LEKR1: variants seen among roughly 807,000 people sequenced by gnomAD.
LEKR1 encodes protein LEKR1.
Under a neutral mutation model 72.4 loss-of-function variants are expected in LEKR1, and 59 were observed. That is an observed-to-expected ratio of 0.82 (90% CI 0.66 to 1.01). The LOEUF (loss-of-function observed/expected upper bound fraction) is 1.01. Ranked by LOEUF, LEKR1 falls within the 50% of genes least tolerant of loss-of-function variation. The probability of loss-of-function intolerance (pLI) is 0.00; values close to 1 mark genes in which losing one functional copy is unlikely to be tolerated. For synonymous variants in LEKR1, 257 were observed against 263.2 expected, an observed-to-expected ratio of 0.98 and a Z score of 0.23; for missense variants, 728 against 759.2, an observed-to-expected ratio of 0.96 and a Z score of 0.48.
intron 3 of LEKR1, among the ~76,000 whole-genome samples, chr3:156,868,392 C>A (rs1407380935): frequency 2.3e-4 from 35 of 151,886 alleles, no homozygotes. Flanking sequence ...ATGATTACTC[C>A]CGGGCTTTGT....
In LEKR1 at chr3:156,863,867, C is replaced by T. The variant is rs2108543310; in HGVS notation, c.263+10885C>T. 2.0e-5 allele frequency among the ~76,000 whole-genome samples: 3 copies of T among 152,124 alleles called. No individual in the cohort carries two copies. The South Asian group carries it at 6.2e-4, about 32-fold the overall frequency. On this transcript the variant is annotated intron_variant, in intron 3 of 12. Coordinates refer to ENST00000356539, the MANE Select transcript of LEKR1 (RefSeq NM_001004316.3). The stretch of plus-strand genomic sequence containing the variant: ...AGGCACACCAAATCTTGAGCCTTGT[C>T]TTCTTGGACTGAAGAAACCCAGTTG...
In LEKR1 at chr3:156,882,623, A is replaced by G. The variant is rs1576733387; in HGVS notation, c.263+29641A>G. Among the ~76,000 whole-genome samples the G allele has an allele frequency of 2.0e-5, 3 of 152,320 alleles. 1 individual carries two copies. In the East Asian group the frequency reaches 5.8e-4, roughly 29 times the overall value. On this transcript the variant is annotated intron_variant, in intron 3 of 12. Coordinates refer to ENST00000356539, the MANE Select transcript of LEKR1 (RefSeq NM_001004316.3). The stretch of plus-strand genomic sequence containing the variant: ...TCCTCAGGGATCTAGAACTAGAAAT[A>G]CCATTTGACCTAGCCATCCCATTAC...
intron 3 of LEKR1, among the ~76,000 whole-genome samples, chr3:156,855,252 AACTT>A (rs1286439165): frequency 6.6e-6 from 1 of 152,206 alleles, no homozygotes; most frequent in Non-Finnish European, 1.5e-5. Flanking sequence ...AATTAGCATT[AACTT>A]ACATTTGGCC....
intron 5 of LEKR1, among the ~76,000 whole-genome samples, chr3:156,938,664 G>A (rs531196115): frequency 4.5e-4 from 69 of 152,148 alleles, no homozygotes; most frequent in African/African-American, 1.5e-3. Flanking sequence ...GTGAGCCACC[G>A]CACCCAGCCA....
chr3:156,850,208 A>G (rs1394805541), intron 2 of LEKR1, among the ~76,000 whole-genome samples: 2 of 151,890 alleles, frequency 1.3e-5, no homozygotes, highest in African/African-American at 4.8e-5. Flanking sequence ...TATGTTATAT[A>G]CTCAAATATA....
chr3:157,045,194 C>T, intron 12 of LEKR1, 146 bp from the exon 13 acceptor site: 1 of 638,462 alleles, frequency 1.6e-6, no homozygotes, highest in Non-Finnish European at 2.7e-6. Flanking sequence ...CTTGACTTGT[C>T]TGTCCCATGA....
chr3:156,860,609 A>G (rs16826858), intron 3 of LEKR1, among the ~76,000 whole-genome samples: 1 of 151,950 alleles, frequency 6.6e-6, no homozygotes, highest in South Asian at 2.1e-4. Context: ...ATTGGAGGAA[A>G]TAAGTGTACC....
chr3:156,888,185 A>G, intron 3 of LEKR1: 1 of 641,466 alleles, frequency 1.6e-6, no homozygotes, highest in Non-Finnish European at 2.9e-6. Flanking sequence ...TGGGGAGAGG[A>G]TTGGGTTAGG....
chr3:156,996,301 T>C (rs376509940), intron 9 of LEKR1, among the ~76,000 whole-genome samples: 1 of 152,066 alleles, frequency 6.6e-6, no homozygotes, highest in Non-Finnish European at 1.5e-5. Context: ...GCCCATTTCC[T>C]AAAGGAAGAC....
At chr3:156,913,719 A>G (rs1723328881) in intron 3 of LEKR1, among the ~76,000 whole-genome samples, 1 of 152,184 alleles carries the variant, frequency 6.6e-6, no homozygotes, top group Non-Finnish European at 1.5e-5. Context: ...TAATTCCCAG[A>G]ACTTTGTCAA....
intron 9 of LEKR1, among the ~76,000 whole-genome samples, chr3:157,002,299 T>C (rs1732076505): frequency 6.6e-6 from 1 of 152,196 alleles, no homozygotes; most frequent in Non-Finnish European, 1.5e-5. Flanking sequence ...TCTAAATTTC[T>C]AGCAAAAAGT....
chr3:156,861,403 TAGAACAA>T (rs1182906623), intron 3 of LEKR1, among the ~76,000 whole-genome samples: 7 of 152,270 alleles, frequency 4.6e-5, no homozygotes, highest in Non-Finnish European at 1.0e-4. Flanking sequence ...CAAGATTTGA[TAGAACAA>T]AGAACTGATG....
intron 12 of LEKR1, among the ~76,000 whole-genome samples, chr3:157,038,337 C>A (rs1046098644): frequency 6.6e-6 from 1 of 152,084 alleles, no homozygotes; most frequent in African/African-American, 2.4e-5. Context: ...AAAAGAAATA[C>A]AATTGGGGAG....
chr3:156,862,128 T>G (rs990274234), intron 3 of LEKR1, among the ~76,000 whole-genome samples: 1 of 152,080 alleles, frequency 6.6e-6, no homozygotes, highest in Non-Finnish European at 1.5e-5. Context: ...AGCATAACTT[T>G]GAAAGCCCTT....
intron 5 of LEKR1, among the ~76,000 whole-genome samples, chr3:156,933,956 A>G (rs927060459): frequency 1.3e-5 from 2 of 152,156 alleles, no homozygotes; most frequent in African/African-American, 4.8e-5. Flanking sequence ...GAAAAGAGGG[A>G]GGCCCTTCAG....
At chr3:156,962,997 C>T (rs1393981739) in intron 6 of LEKR1, among the ~76,000 whole-genome samples, 5 of 152,074 alleles carry the variant, frequency 3.3e-5, no homozygotes, top group African/African-American at 1.2e-4. Context: ...CTGATCTTTG[C>T]CTGATTTCCT....
chr3:156,994,870 T>C (rs1731430221), intron 9 of LEKR1, among the ~76,000 whole-genome samples: 1 of 152,242 alleles, frequency 6.6e-6, no homozygotes. Flanking sequence ...GGCTTAATTG[T>C]TTAGTCAGAT....
intron 2 of LEKR1, among the ~76,000 whole-genome samples, chr3:156,843,825 A>G (rs1344493381): frequency 4.7e-5 from 7 of 149,096 alleles, no homozygotes; most frequent in African/African-American, 2.4e-5. Flanking sequence ...GAAAGTTGTG[A>G]TGTGTGTGTG....
chr3:156,947,990 AG>A (rs971763908), intron 6 of LEKR1, among the ~76,000 whole-genome samples: 5 of 151,220 alleles, frequency 3.3e-5, no homozygotes, highest in African/African-American at 1.2e-4. Context: ...ACATATTCAA[AG>A]GAAGTTATTC....
Sources: gnomAD v4.1 joint callset for allele counts (sites outside exome capture counted in the v4.1 genomes callset) on GRCh38, gnomAD v4.1.1 for gene constraint, MANE v1.5 for transcripts, NCBI Gene and HGNC (gene_info 2026-07-23, HGNC 2026-07-21) for gene names.